The following AHCYL2 variants were observed in gnomAD, a reference collection of about 807,000 sequenced individuals.
The protein encoded by AHCYL2 is adenosylhomocysteinase like 2, also known as S-adenosylhomocysteine hydrolase-like protein 2.
A neutral mutation model predicts 81.4 loss-of-function variants in AHCYL2; 28 were observed. The ratio of observed to expected loss-of-function variants is 0.34; its 90% CI spans 0.25 to 0.47. The LOEUF (loss-of-function observed/expected upper bound fraction) is 0.47. Among genes scored for constraint, AHCYL2 ranks in the 20% least tolerant of loss-of-function variants. AHCYL2 has a pLI of 1.00. For missense variants in AHCYL2, 551 were observed against 785.1 expected (o/e 0.70, Z 3.56); for synonymous variants, 272 against 290.2 (o/e 0.94, Z 0.64).
At position 129,426,403 on chromosome 7, in the gene AHCYL2, G is replaced by A. The variant is rs761528634; in HGVS notation, c.1709-40G>A. 78 of 1,613,842 alleles carry A rather than the reference G, an allele frequency of 4.8e-5. No homozygotes were observed. In the South Asian group the frequency reaches 8.3e-4, roughly 17 times the overall value. On this transcript the variant is annotated intron_variant, in intron 15 of 16. Transcript: ENST00000325006. The surrounding 1 kb of genome is among the most constrained non-coding windows in gnomAD (Gnocchi z 4.3). ...GGGGACAATAGCCATCAGATAAAAGGCATGAATGCTTATACCAGGGCTTCT... is the reference window on the plus strand; with the variant it reads ...GGGGACAATAGCCATCAGATAAAAGACATGAATGCTTATACCAGGGCTTCT...
At chr7:129,413,719 T>G (rs1417265965) in intron 12 of AHCYL2, 31 bp downstream of exon 12, 1 of 1,580,784 alleles carries the variant, frequency 6.3e-7, no homozygotes, top group African/African-American at 1.3e-5. Flanking sequence ...ATTGGGGGCT[T>G]TTTTCTCTCC....
chr7:129,293,966 G>C (rs1359781399), intron 1 of AHCYL2, among the ~76,000 whole-genome samples: 2 of 152,068 alleles, frequency 1.3e-5, no homozygotes, highest in Non-Finnish European at 2.9e-5. Flanking sequence ...TTACTTATTG[G>C]TTGTGAAAAG....
rs979704785 is a variant in AHCYL2 at position 129,410,087 on chromosome 7, G to A, written c.1366+541G>A. ...TGCCATCATTTTATTCCATTCCAGC[G>A]CTCTGGCATGCAAGATAATCCATCT... On this transcript the variant is annotated intron_variant, in intron 11 of 16. Coordinates refer to ENST00000325006, the MANE Select transcript of AHCYL2 (RefSeq NM_015328.4). 19 of 1,404,300 alleles carry A rather than the reference G, an allele frequency of 1.4e-5. No homozygotes were observed. The Admixed American group carries it at 2.0e-4, about 15-fold the overall frequency. 87.0% of individuals were successfully genotyped at this position (1,404,300 alleles called of 1,614,324 possible). A position where few individuals can be genotyped will look rare whatever the true frequency, so the allele number is the denominator to read the frequency against.
rs935619937 is a variant in AHCYL2, at chr7:129,406,012, A to G, written c.1206+113A>G. ...ACACCCTTTACCACTTTAGATGAGA[A>G]AAAGAATTTCAGAGGCCTTCTGGTT... is the stretch of plus-strand genomic sequence containing the variant. On this transcript the variant is annotated intron_variant, in intron 9 of 16. Transcript: ENST00000325006. This position sits in a 1 kb window ranked among gnomAD's most constrained non-coding sequence, Gnocchi z 4.3. 2.0e-6 allele frequency: 2 copies of G among 1,008,008 alleles called. No individual in the cohort carries two copies. The highest frequency in any genetic ancestry group is 3.2e-5 in the African/African-American group (2 of 61,596). The allele number at this position is 1,008,008 out of a possible 1,614,324, so 62.4% of individuals were successfully genotyped here.
At chr7:129,295,943 C>T (rs759230828) in intron 1 of AHCYL2, among the ~76,000 whole-genome samples, 13 of 152,222 alleles carry the variant, frequency 8.5e-5, no homozygotes, top group Non-Finnish European at 1.5e-5. Context: ...ATTAGTTTCT[C>T]TAAAGCTTCT....
At chr7:129,233,053 T>C (rs113439926) in intron 1 of AHCYL2, among the ~76,000 whole-genome samples, 8 of 152,314 alleles carry the variant, frequency 5.3e-5, no homozygotes, top group African/African-American at 1.9e-4. Flanking sequence ...ATCAGCAAAT[T>C]AGACAGATCA....
At chr7:129,386,789 C>T (rs1264502887) in intron 2 of AHCYL2, among the ~76,000 whole-genome samples, 1 of 152,174 alleles carries the variant, frequency 6.6e-6, no homozygotes, top group Non-Finnish European at 1.5e-5. Flanking sequence ...CTCAACCTCT[C>T]AAATCACTGC....
intron 5 of AHCYL2, among the ~76,000 whole-genome samples, chr7:129,399,729 T>C (rs7808920): frequency 0.013 from 1,892 of 146,932 alleles, 40 homozygotes; most frequent in African/African-American, 0.045. Flanking sequence ...AGTCACTTTT[T>C]TTTTTTTTTT....
intron 1 of AHCYL2, among the ~76,000 whole-genome samples, chr7:129,338,034 G>A (rs566902404): frequency 1.2e-4 from 19 of 152,248 alleles, no homozygotes; most frequent in African/African-American, 4.1e-4. Flanking sequence ...ATGAGCCACC[G>A]CGCCTGGCCA....
chr7:129,370,818 C>T (rs1161383172), intron 1 of AHCYL2, among the ~76,000 whole-genome samples: 1 of 152,218 alleles, frequency 6.6e-6, no homozygotes, highest in African/African-American at 2.4e-5. Context: ...CAGGAAAATA[C>T]CTTTGCTCAG....
chr7:129,283,932 C>A (rs1796537470), intron 1 of AHCYL2, among the ~76,000 whole-genome samples: 1 of 152,124 alleles, frequency 6.6e-6, no homozygotes. Context: ...CTTTAAAAAA[C>A]AAAATCAAAA....
chr7:129,235,745 G>A (rs1216500354), intron 1 of AHCYL2, among the ~76,000 whole-genome samples: 2 of 152,108 alleles, frequency 1.3e-5, no homozygotes, highest in Non-Finnish European at 1.5e-5. Flanking sequence ...TTGTTTTGCA[G>A]GTTCCTTTTT....
intron 1 of AHCYL2, among the ~76,000 whole-genome samples, chr7:129,280,128 A>G (rs1796377693): frequency 6.8e-6 from 1 of 147,416 alleles, no homozygotes; most frequent in South Asian, 2.1e-4. Context: ...ATACAGAAAT[A>G]TCAATTGACT....
chr7:129,280,009 C>T (rs1239421603), intron 1 of AHCYL2, among the ~76,000 whole-genome samples: 1 of 152,076 alleles, frequency 6.6e-6, no homozygotes, highest in Non-Finnish European at 1.5e-5. Context: ...CTAAGAATGC[C>T]TAGCTTCCTG....
At position 129,406,625 on chromosome 7, in the gene AHCYL2, G is replaced by A. The variant is rs967400659; in HGVS notation, c.1295+159G>A. Among the ~76,000 whole-genome samples, 1 of 152,194 alleles carries A rather than the reference G, an allele frequency of 6.6e-6. No homozygotes were observed. Among genetic ancestry groups the A allele is most frequent in the East Asian group, 1.9e-4 (1 of 5,198 alleles). On this transcript the variant is annotated intron_variant, in intron 10 of 16. Transcript: ENST00000325006. This position sits in a 1 kb window ranked among gnomAD's most constrained non-coding sequence, Gnocchi z 4.3. Reference sequence around the variant, plus strand: ...TTAAAAAGGTCAAGGAGCTCTGCTTGGAGAGAGCAGAGACTATCAGAAAAG... The same window carrying A: ...TTAAAAAGGTCAAGGAGCTCTGCTTAGAGAGAGCAGAGACTATCAGAAAAG...
intron 7 of AHCYL2, 81 bp from the exon 8 acceptor site, chr7:129,405,016 G>A (rs929160162): frequency 4.3e-5 from 35 of 823,446 alleles, no homozygotes; most frequent in Admixed American, 5.4e-5. Flanking sequence ...CCCAATCAAC[G>A]TATTTCTGGG....
At chr7:129,410,836 G>T (rs986247690) in intron 11 of AHCYL2, among the ~76,000 whole-genome samples, 1 of 152,002 alleles carries the variant, frequency 6.6e-6, no homozygotes, top group Non-Finnish European at 1.5e-5. Flanking sequence ...AAATCAGACA[G>T]AATAAAAAAA....
At chr7:129,228,618 C>A (rs978736003) in intron 1 of AHCYL2, among the ~76,000 whole-genome samples, 1 of 152,146 alleles carries the variant, frequency 6.6e-6, no homozygotes, top group Admixed American at 6.5e-5. Flanking sequence ...GGATTTCTTC[C>A]TTGTGTTCTT....
intron 1 of AHCYL2, among the ~76,000 whole-genome samples, chr7:129,238,898 G>C (rs1343558607): frequency 6.6e-6 from 1 of 152,118 alleles, no homozygotes; most frequent in Non-Finnish European, 1.5e-5. Flanking sequence ...GTGGCAGTGA[G>C]CTGAGATGGC....
Sources: gnomAD v4.1 joint callset for allele counts (sites outside exome capture counted in the v4.1 genomes callset) on GRCh38, gnomAD v4.1.1 for gene constraint, Gnocchi (gnomAD v3.1) non-coding constraint, MANE v1.5 for transcripts, NCBI Gene and HGNC (gene_info 2026-07-23, HGNC 2026-07-21) for gene names.